Variants in NLGN1 observed in about 807,000 individuals in gnomAD.
The protein encoded by NLGN1 is neuroligin 1, also known as neuroligin-1.
Under a neutral mutation model 65.5 loss-of-function variants are expected in NLGN1, and 12 were observed. The ratio of observed to expected loss-of-function variants is 0.18; its 90% confidence interval spans 0.12 to 0.30. The LOEUF (loss-of-function observed/expected upper bound fraction) is 0.30, where lower values mean the gene tolerates loss of function less well. NLGN1 is among the 10% of genes least tolerant of loss of function. The pLI, the probability that NLGN1 is intolerant of heterozygous loss-of-function variation, is 1.00. For missense variants in NLGN1, 750 were observed against 1,007.1 expected (o/e 0.74, Z 3.46); for synonymous variants, 350 against 359.5 (o/e 0.97, Z 0.30).
chr3:174,225,453 C>T (rs1739448708), intron 4 of NLGN1, among the ~76,000 whole-genome samples: 1 of 152,250 alleles, frequency 6.6e-6, no homozygotes, highest in East Asian at 1.9e-4. Flanking sequence ...TTATTCTGGC[C>T]GGGCGCGGTG....
At chr3:173,797,219 C>G (rs544065574) in intron 3 of NLGN1, among the ~76,000 whole-genome samples, 1 of 152,272 alleles carries the variant, frequency 6.6e-6, no homozygotes, top group South Asian at 2.1e-4. Flanking sequence ...TATTTATTCT[C>G]AGTGCCTTTA....
At chr3:173,449,492 C>A (rs1168620519) in intron 2 of NLGN1, among the ~76,000 whole-genome samples, 1 of 152,088 alleles carries the variant, frequency 6.6e-6, no homozygotes, top group African/African-American at 2.4e-5. Context: ...ACTATGTGGT[C>A]AATTTTGTAA....
intron 3 of NLGN1, among the ~76,000 whole-genome samples, chr3:173,648,893 A>AT (rs1758701538): frequency 6.6e-6 from 1 of 152,102 alleles, no homozygotes; most frequent in African/African-American, 2.4e-5. Flanking sequence ...AGATCCAACC[A>AT]TCCCACTCAT....
intron 3 of NLGN1, among the ~76,000 whole-genome samples, chr3:173,612,193 GA>G (rs775974376): frequency 3.4e-4 from 51 of 152,110 alleles, no homozygotes; most frequent in Admixed American, 7.9e-4. Context: ...CAATTCCGGA[GA>G]ATCATTCTGA....
chr3:173,700,417 A>C (rs1382242556), intron 3 of NLGN1, among the ~76,000 whole-genome samples: 1 of 152,238 alleles, frequency 6.6e-6, no homozygotes, highest in Non-Finnish European at 1.5e-5. Flanking sequence ...AGGTCTCTGT[A>C]TTACTGTAAT....
intron 2 of NLGN1, among the ~76,000 whole-genome samples, chr3:173,576,101 A>G (rs140128427): frequency 0.013 from 2,010 of 152,230 alleles, 45 homozygotes; most frequent in African/African-American, 0.046. Flanking sequence ...AAATTTCTCA[A>G]TAATAGTCTT....
chr3:174,145,079 A>G (rs1273607474), intron 4 of NLGN1, among the ~76,000 whole-genome samples: 1 of 152,064 alleles, frequency 6.6e-6, no homozygotes, highest in Non-Finnish European at 1.5e-5. Flanking sequence ...TAATTTTTGT[A>G]TAAGGTGTAA....
At chr3:173,894,090 T>A (rs1382243085) in intron 4 of NLGN1, among the ~76,000 whole-genome samples, 2 of 152,206 alleles carry the variant, frequency 1.3e-5, no homozygotes, top group African/African-American at 2.4e-5. Flanking sequence ...AGCTTGTTGC[T>A]TTCTCTTTTA....
intron 2 of NLGN1, among the ~76,000 whole-genome samples, chr3:173,446,505 G>A (rs1048172775): frequency 1.3e-5 from 2 of 152,124 alleles, no homozygotes; most frequent in African/African-American, 2.4e-5. Flanking sequence ...TTGCTATTGT[G>A]AATAGTGCCG....
chr3:174,197,010 A>G (rs1293973783), intron 4 of NLGN1, among the ~76,000 whole-genome samples: 2 of 152,162 alleles, frequency 1.3e-5, no homozygotes, highest in Non-Finnish European at 2.9e-5. Context: ...AATTTTGTCA[A>G]TTTATAACAA....
At chr3:174,111,244 G>A (rs1032270581) in intron 4 of NLGN1, among the ~76,000 whole-genome samples, 2 of 151,810 alleles carry the variant, frequency 1.3e-5, no homozygotes, top group Non-Finnish European at 2.9e-5. Flanking sequence ...GCAAAGAATG[G>A]GACTGTAGAA....
At chr3:173,736,126 T>C (rs1291830343) in intron 3 of NLGN1, among the ~76,000 whole-genome samples, 1 of 151,956 alleles carries the variant, frequency 6.6e-6, no homozygotes, top group Non-Finnish European at 1.5e-5. Flanking sequence ...GATAACAGCA[T>C]TGTGAGAATA....
At chr3:173,532,779 T>A (rs77166956) in intron 2 of NLGN1, among the ~76,000 whole-genome samples, 1 of 152,220 alleles carries the variant, frequency 6.6e-6, no homozygotes. Flanking sequence ...GCCACAGTCA[T>A]AATCACAAAA....
intron 4 of NLGN1, among the ~76,000 whole-genome samples, chr3:174,011,084 C>A (rs956756046): frequency 5.9e-5 from 9 of 152,096 alleles, no homozygotes; most frequent in African/African-American, 1.9e-4. Flanking sequence ...TTGTTTCTTC[C>A]ATTTGCAGGA....
intron 4 of NLGN1, among the ~76,000 whole-genome samples, chr3:174,232,803 G>C (rs1269767554): frequency 6.6e-6 from 1 of 152,294 alleles, no homozygotes; most frequent in East Asian, 1.9e-4. Flanking sequence ...AGGGAGAATA[G>C]ATGGTAAATG....
At chr3:173,600,200 T>TCACACACACACACACACACACACAC (rs1187383560) in intron 2 of NLGN1, among the ~76,000 whole-genome samples, 14 of 145,100 alleles carry the variant, frequency 9.6e-5, no homozygotes, top group Non-Finnish European at 1.8e-4. Context: ...TACATGTGTG[T>TCACACACACACACACACACACACAC]ACACACACAC....
intron 4 of NLGN1, among the ~76,000 whole-genome samples, chr3:174,267,497 G>A (rs1321832440): frequency 6.6e-6 from 1 of 152,064 alleles, no homozygotes; most frequent in South Asian, 2.1e-4. Context: ...AAATGTTGGG[G>A]GAATCTCAAG....
At chr3:173,846,059 G>T (rs1475209449) in intron 4 of NLGN1, among the ~76,000 whole-genome samples, 1 of 151,972 alleles carries the variant, frequency 6.6e-6, no homozygotes, top group Non-Finnish European at 1.5e-5. Context: ...GAGATTATAG[G>T]CATGTACCAC....
At chr3:174,154,365 A>G (rs757530867) in intron 4 of NLGN1, among the ~76,000 whole-genome samples, 1 of 152,064 alleles carries the variant, frequency 6.6e-6, no homozygotes, top group African/African-American at 2.4e-5. Flanking sequence ...GAGAGTGACA[A>G]TATTTCCCAT....
Sources: gnomAD v4.1 joint callset for allele counts (sites outside exome capture counted in the v4.1 genomes callset) on GRCh38, gnomAD v4.1.1 for gene constraint, MANE v1.5 for transcripts, NCBI Gene and HGNC (gene_info 2026-07-23, HGNC 2026-07-21) for gene names.